Variants in HTR3D observed in about 807,000 individuals in gnomAD.
HTR3D encodes 5-hydroxytryptamine (serotonin) receptor 3 family member D.
HTR3D carries 47 observed loss-of-function variants against 45.8 expected under a neutral mutation model. That is an observed-to-expected ratio of 1.03 (90% confidence interval 0.81 to 1.31). The LOEUF is 1.31. Ranked by LOEUF, HTR3D falls within the 50% of genes most tolerant of loss-of-function variation. The probability of loss-of-function intolerance (pLI) is 0.00; values close to 1 mark genes in which losing one functional copy is unlikely to be tolerated. For synonymous variants in HTR3D, 203 were observed against 199.8 expected (o/e 1.02, Z -0.13); for missense variants, 448 against 506.9 (o/e 0.88, Z 1.12).
rs1010048295 is a variant in HTR3D at position 184,032,855 on chromosome 3, C to G, written c.66+1048C>G. 6.4e-7 allele frequency: 1 copy of G among 1,551,880 alleles called. No homozygotes were observed. Among genetic ancestry groups the G allele is most frequent in the East Asian group, 2.4e-5 (1 of 40,920 alleles). On this transcript the variant is annotated intron_variant, in intron 1 of 7. Transcript: ENST00000428798. ...CATGCAGAAACACTCTCCAGGCCCC[C>G]CAGCCCTGGCCCTCCTCTCTCAGTC...
At chr3:184,037,998 C>T (rs1722956353) in intron 5 of HTR3D, 23 bp from the exon 6 acceptor site, 3 of 1,609,886 alleles carry the variant, frequency 1.9e-6, no homozygotes, top group South Asian at 1.1e-5. Context: ...TTCTCACTTG[C>T]CCCTCCTTCT....
intron 2 of HTR3D, among the ~76,000 whole-genome samples, chr3:184,035,559 G>A (rs1489049270): frequency 6.6e-6 from 1 of 152,164 alleles, no homozygotes; most frequent in Non-Finnish European, 1.5e-5. Context: ...CCACCAGAGA[G>A]GTGGCAGGAG....
intron 5 of HTR3D, among the ~76,000 whole-genome samples, chr3:184,037,188 C>T (rs1431430238): frequency 2.0e-5 from 3 of 151,844 alleles, no homozygotes; most frequent in East Asian, 1.9e-4. Context: ...TACAAGGGCC[C>T]GCCACCATGC....
rs1722908730 is a variant in HTR3D at position 184,036,747 on chromosome 3, G to A, written c.368-1G>A. The A allele has an allele frequency of 6.4e-7, 1 of 1,552,222 alleles. No individual in the cohort carries two copies. The highest frequency in any genetic ancestry group is 8.7e-7 in the Non-Finnish European group (1 of 1,147,116). Reference sequence around the variant, plus strand: ...GCCTGCTTTGCAGTGGAGAACACGAGCCCGGGCATGGAGAAGGATGTCCAG... The same window carrying A: ...GCCTGCTTTGCAGTGGAGAACACGAACCCGGGCATGGAGAAGGATGTCCAG... On this transcript the variant is annotated splice_acceptor_variant, in intron 4 of 7. Transcript: ENST00000428798. LOFTEE classifies it high-confidence loss of function.
chr3:184,034,225 G>C (rs1378504669), intron 1 of HTR3D, among the ~76,000 whole-genome samples: 1 of 152,062 alleles, frequency 6.6e-6, no homozygotes, highest in African/African-American at 2.4e-5. Flanking sequence ...TGAATGGACA[G>C]ATTAAATGTG....
At chr3:184,035,057 T>G in intron 1 of HTR3D, 121 bp from the exon 2 acceptor site, 2 of 1,514,096 alleles carry the variant, frequency 1.3e-6, no homozygotes, top group Non-Finnish European at 1.8e-6. Flanking sequence ...CATTTTTCAG[T>G]GGCTTAGATC....
At position 184,038,413 on chromosome 3, in the gene HTR3D, C is replaced by T; in HGVS notation, c.774C>T (p.Val258=). ...PHPSRDQKRG[V]YFALCLSLMV... ...TGCAGACCCCCTTGCCTGCAGGTGT[C>T]TACTTCGCCCTGTGCCTGTCCCTGA... Residue 258 remains valine, a synonymous_variant, in exon 7 of 8, where the codon GTC becomes GTT. Transcript: ENST00000428798. This position sits in a 1 kb window ranked among gnomAD's most constrained non-coding sequence, Gnocchi z 4.5. The T allele has an allele frequency of 1.9e-6, 3 of 1,614,176 alleles. No homozygotes were observed. The highest frequency in any genetic ancestry group is 2.2e-5 in the South Asian group (2 of 91,078).
At chr3:184,035,103 G>C in intron 1 of HTR3D, 75 bp from the exon 2 acceptor site, 1 of 1,550,348 alleles carries the variant, frequency 6.5e-7, no homozygotes, top group Non-Finnish European at 8.7e-7. Context: ...AGCCTTGGAA[G>C]TGAACAAGGA....
Position 184,038,770 on chromosome 3 carries a change from C to G in HTR3D, c.1010C>G (p.Ala337Gly). The stretch of plus-strand genomic sequence containing the variant: ...GGTGTGAAGGAGCCAGAGGTATCAG[C>G]AGGGCAGATGCCAGGCCCTGGGGAG... ...LPGVKEPEVSAGQMPGPGEAE... is the reference protein window; with the variant it reads ...LPGVKEPEVSGGQMPGPGEAE... Residue 337 changes from alanine to glycine, a missense_variant, in exon 8 of 8, where the codon GCA (alanine) becomes GGA (glycine). Transcript: ENST00000428798. The surrounding 1 kb of genome is among the most constrained non-coding windows in gnomAD (Gnocchi z 4.5). The G allele has an allele frequency of 6.2e-7, 1 of 1,608,490 alleles. No homozygotes were observed. Among genetic ancestry groups the G allele is most frequent in the Non-Finnish European group, 8.5e-7 (1 of 1,177,164 alleles).
At position 184,038,345 on chromosome 3, in the gene HTR3D, T is replaced by TG. The variant is rs760437603; in HGVS notation, c.770-61dup. The TG allele has an allele frequency of 6.2e-7, 1 of 1,612,470 alleles. No individual in the cohort carries two copies. Among genetic ancestry groups the TG allele is most frequent in the East Asian group, 2.2e-5 (1 of 44,842 alleles). The stretch of plus-strand genomic sequence containing the variant: ...AAAGGGATCCTGGAAAAAGATCCTC[T>TG]GGGAAAGAAACAAGAAATTCTAGGT... On this transcript the variant is annotated intron_variant, in intron 6 of 7. Transcript: ENST00000428798. This position sits in a 1 kb window ranked among gnomAD's most constrained non-coding sequence, Gnocchi z 4.5.
intron 1 of HTR3D, among the ~76,000 whole-genome samples, chr3:184,032,577 A>G (rs903962536): frequency 3.3e-5 from 5 of 152,210 alleles, no homozygotes; most frequent in African/African-American, 1.2e-4. Flanking sequence ...AGAGAAGGAC[A>G]CTGGCAGAAG....
upstream of HTR3D, chr3:184,031,661 G>A: frequency 2.2e-6 from 2 of 928,474 alleles, no homozygotes; most frequent in South Asian, 2.8e-5. Context: ...TTATTCAAAG[G>A]TAGGGCTCAA....
chr3:184,036,968 T>C lies in HTR3D; in HGVS notation c.516+72T>C, dbSNP rs557503227. The C allele has an allele frequency of 2.1e-5, 30 of 1,444,980 alleles. No homozygotes were observed. The South Asian group carries it at 3.8e-4, about 18-fold the overall frequency. The allele number at this position is 1,444,980 out of a possible 1,614,324, so 89.5% of individuals were successfully genotyped here. On this transcript the variant is annotated intron_variant, in intron 5 of 7. Transcript: ENST00000428798. ...GTCTTGAACTCCTGGCTTCAGGTGATCCGCCCGCCTCGGCCTCCCAAAGTG... is the reference window on the plus strand; with the variant it reads ...GTCTTGAACTCCTGGCTTCAGGTGACCCGCCCGCCTCGGCCTCCCAAAGTG...
intron 5 of HTR3D, 81 bp downstream of exon 5, chr3:184,036,977 C>A (rs1722922266): frequency 7.2e-7 from 1 of 1,382,140 alleles, no homozygotes; most frequent in South Asian, 1.4e-5. Flanking sequence ...ATCCGCCCGC[C>A]TCGGCCTCCC....
chr3:184,036,945 C>G, intron 5 of HTR3D, 49 bp downstream of exon 5: 1 of 1,525,692 alleles, frequency 6.6e-7, no homozygotes, highest in Non-Finnish European at 8.8e-7. Flanking sequence ...CCAGGCTGGT[C>G]TTGAACTCCT....
rs1436489150 is a variant in HTR3D, at chr3:184,038,188, C to T, written c.684C>T (p.Leu228=). The T allele has an allele frequency of 8.1e-6, 13 of 1,614,188 alleles. No individual in the cohort carries two copies. The highest frequency in any genetic ancestry group is 1.1e-5 in the Non-Finnish European group (13 of 1,180,014). ...TGCTGGGCTACAGCGTCTTCCTGCT[C>T]ATGATGAATGACTTGCTCCCAGCCA... ...TVLLGYSVFL[L]MMNDLLPATS... Residue 228 remains leucine (L), a synonymous_variant, in exon 6 of 8, where the codon CTC becomes CTT. Transcript: ENST00000428798. This position sits in a 1 kb window ranked among gnomAD's most constrained non-coding sequence, Gnocchi z 4.5.
intron 2 of HTR3D, among the ~76,000 whole-genome samples, chr3:184,035,690 CTT>C (rs760703035): frequency 2.2e-4 from 31 of 142,940 alleles, no homozygotes; most frequent in African/African-American, 3.3e-4. Context: ...ACAATCAATT[CTT>C]TTTTTTTTTT....
chr3:184,032,261 TG>T (rs936785552), intron 1 of HTR3D, among the ~76,000 whole-genome samples: 2 of 152,222 alleles, frequency 1.3e-5, no homozygotes, highest in African/African-American at 4.8e-5. Context: ...CCCAAAGTGT[TG>T]GGATTACAGG....
Position 184,039,004 on chromosome 3 carries a change from G to A in HTR3D, c.*29G>A. The A allele has an allele frequency of 6.2e-7, 1 of 1,610,074 alleles. No homozygotes were observed. Among genetic ancestry groups the A allele is most frequent in the South Asian group, 1.1e-5 (1 of 90,904 alleles). ...GGTGCTCACCTGCAAACTTCAGTCT[G>A]GACTTCTTTTTGCCAGAGAACTCCA... is the stretch of plus-strand genomic sequence containing the variant. On this transcript the variant is annotated 3_prime_UTR_variant, in exon 8 of 8. Transcript: ENST00000428798.
Sources: gnomAD v4.1 joint callset for allele counts (sites outside exome capture counted in the v4.1 genomes callset) on GRCh38, gnomAD v4.1.1 for gene constraint, Gnocchi (gnomAD v3.1) non-coding constraint, MANE v1.5 for transcripts, NCBI Gene and HGNC (gene_info 2026-07-23, HGNC 2026-07-21) for gene names.